The following ZFP64 variants were observed in gnomAD, a reference collection of about 807,000 sequenced individuals.
ZFP64 encodes the protein zinc finger protein 64.
In ZFP64, 14 loss-of-function variants were observed where a neutral mutation model predicts 51.6. That is an observed-to-expected ratio of 0.27 (90% CI 0.18 to 0.42). The LOEUF (loss-of-function observed/expected upper bound fraction) is 0.42. Among genes scored for constraint, ZFP64 ranks in the 10% least tolerant of loss-of-function variants. The pLI is 1.00. For missense variants in ZFP64, 754 were observed against 906.8 expected, an observed-to-expected ratio of 0.83 and a Z score of 2.16; for synonymous variants, 375 against 361.4, an observed-to-expected ratio of 1.04 and a Z score of -0.43.
intron 2 of ZFP64, among the ~76,000 whole-genome samples, chr20:52,178,114 G>A (rs1338005604): frequency 6.6e-6 from 1 of 152,036 alleles, no homozygotes; most frequent in Non-Finnish European, 1.5e-5. Flanking sequence ...CTCCCTGGCT[G>A]GTTCAGATTC....
downstream of ZFP64, among the ~76,000 whole-genome samples, chr20:52,148,074 G>A (rs2122935421): frequency 6.6e-6 from 1 of 152,206 alleles, no homozygotes; most frequent in East Asian, 1.9e-4. Flanking sequence ...TTTCTTTTTT[G>A]GTGGGGGTGG....
At chr20:52,126,650 T>C (rs1438466017) in intron 5 of ZFP64, among the ~76,000 whole-genome samples, 1 of 152,214 alleles carries the variant, frequency 6.6e-6, no homozygotes, top group Non-Finnish European at 1.5e-5. Context: ...GAAGTCTGAC[T>C]CTCCTTCTGG....
chr20:52,129,893 C>A lies in ZFP64; in HGVS notation c.763+30230G>T, dbSNP rs867135425. Among the ~76,000 whole-genome samples, 6 of 152,294 alleles carry A rather than the reference C, an allele frequency of 3.9e-5. 1 individual carries two copies. The Middle Eastern group carries it at 0.02, about 518-fold the overall frequency. ...TTCATCTTTGCTGAATGAGTGCAAT[C>A]GTCATTATTGTTTATTATTATAATA... On this transcript the variant is annotated intron_variant, in intron 5 of 8. Transcript: ENST00000361387.
intron 5 of ZFP64, among the ~76,000 whole-genome samples, chr20:52,134,964 G>A (rs1002056997): frequency 6.6e-6 from 1 of 152,110 alleles, no homozygotes; most frequent in African/African-American, 2.4e-5. Flanking sequence ...CTGGGCTCAA[G>A]CGATCCTCCC....
chr20:52,113,690 C>T (rs1306271357), intron 5 of ZFP64, among the ~76,000 whole-genome samples: 4 of 151,280 alleles, frequency 2.6e-5, no homozygotes, highest in Admixed American at 1.3e-4. Flanking sequence ...CCACCTGCCT[C>T]GGCCTCCCAA....
intron 5 of ZFP64, among the ~76,000 whole-genome samples, chr20:52,099,828 C>T (rs576794423): frequency 1.1e-4 from 16 of 152,178 alleles, no homozygotes; most frequent in Non-Finnish European, 1.9e-4. Context: ...GAAGGTTGAA[C>T]TAGGTGAAAT....
intron 5 of ZFP64, among the ~76,000 whole-genome samples, chr20:52,138,556 G>A (rs1193014013): frequency 6.6e-6 from 1 of 151,466 alleles, no homozygotes; most frequent in African/African-American, 2.4e-5. Flanking sequence ...TTATTACATA[G>A]AAGGAACAGG....
intron 5 of ZFP64, among the ~76,000 whole-genome samples, chr20:52,109,126 G>A (rs114050273): frequency 0.014 from 2,179 of 152,074 alleles, 43 homozygotes; most frequent in African/African-American, 0.049. Flanking sequence ...TGGATTTCAA[G>A]CCCAGGGAAG....
rs1312468665 is a variant in ZFP64, at chr20:52,153,071, T to C, written c.1121A>G (p.Asn374Ser). The C allele has an allele frequency of 6.2e-7, 1 of 1,614,190 alleles. No homozygotes were observed. The part of the protein sequence containing the change: ...IHCTDRPFKC[N>S]YCSFDTKQPS... ...CTGTTTGGTGTCGAAGCTGCAGTAG[T>C]TGCACTTGAAAGGGCGGTCGGTGCA... Residue 374 changes from asparagine to serine, a missense_variant, in exon 6 of 6, where the codon AAC becomes AGC. Transcript: ENST00000216923. The surrounding 1 kb of genome is among the most constrained non-coding windows in gnomAD (Gnocchi z 5.1).
chr20:52,144,361 C>T (rs1482807182), intron 5 of ZFP64, among the ~76,000 whole-genome samples: 1 of 141,688 alleles, frequency 7.1e-6, no homozygotes, highest in Non-Finnish European at 1.6e-5. Flanking sequence ...GGGCAGATCA[C>T]GAGGTCAAGA....
intron 1 of ZFP64, among the ~76,000 whole-genome samples, chr20:52,187,865 C>A (rs1984088274): frequency 1.3e-5 from 2 of 152,142 alleles, no homozygotes. Flanking sequence ...GCAGCCACCT[C>A]CTATCCCAAC....
At chr20:52,110,823 C>A in intron 5 of ZFP64, 1 of 1,599,988 alleles carries the variant, frequency 6.3e-7, no homozygotes, top group South Asian at 1.1e-5. Context: ...TCTCACTCAG[C>A]TCCATGTTCA....
In ZFP64 at chr20:52,160,176, G is replaced by T. The variant is rs747077792; in HGVS notation, c.710C>A (p.Pro237His). Residue 237 changes from proline to histidine, a missense_variant, in exon 5 of 6, where the codon CCC (proline) becomes CAC (histidine). Around this residue, in one of 3 missense-constraint regions of ZFP64, gnomAD observed 231 missense variants for 336.7 expected, o/e 0.69. Coordinates refer to ENST00000216923, the MANE Select transcript of ZFP64 (RefSeq NM_018197.3). This position sits in a 1 kb window ranked among gnomAD's most constrained non-coding sequence, Gnocchi z 4.2. ...CTGGCTGGAGTTGCGGCTGGCGTAG[G>T]GGCAGATCTGGCATTTGAAGGGCCG... is the stretch of plus-strand genomic sequence containing the variant. ...DERPFKCQICPYASRNSSQLT... is the reference protein window; with the variant it reads ...DERPFKCQICHYASRNSSQLT... The T allele has an allele frequency of 6.2e-7, 1 of 1,614,036 alleles. No individual in the cohort carries two copies. Among genetic ancestry groups the T allele is most frequent in the Admixed American group, 1.7e-5 (1 of 59,996 alleles).
At position 52,151,296 on chromosome 20, in the gene ZFP64, C is replaced by A; in HGVS notation, c.*850G>T. 2.0e-6 allele frequency: 2 copies of A among 985,174 alleles called. No homozygotes were observed. Among genetic ancestry groups the A allele is most frequent in the Non-Finnish European group, 2.4e-6 (2 of 829,724 alleles). The allele number at this position is 985,174 out of a possible 1,614,324, so 61.0% of individuals were successfully genotyped here. On this transcript the variant is annotated 3_prime_UTR_variant, in exon 6 of 6. Coordinates refer to ENST00000216923, the MANE Select transcript of ZFP64 (RefSeq NM_018197.3). ...CATTCAGTATATTTTAATCAGATAT[C>A]AATTTATTATGGAACCATTCATTTT...
In ZFP64 at chr20:52,144,578, C is replaced by CAAAAAAAAAAAAA. The variant is rs1156545584; in HGVS notation, c.763+15532_763+15544dup. Among the ~76,000 whole-genome samples the CAAAAAAAAAAAAA allele has an allele frequency of 1.7e-4, 4 of 23,326 alleles. 1 individual carries two copies. The highest frequency in any genetic ancestry group is 2.9e-4 in the Non-Finnish European group (4 of 13,874). The allele number at this position is 23,326 out of a possible 152,430, so 15.3% of individuals were successfully genotyped here. On this transcript the variant is annotated intron_variant, in intron 5 of 8. Transcript: ENST00000361387. ...CTGGTGACAGAGCGAGACTCCGTCT[C>CAAAAAAAAAAAAA]AAAAAAAAAAAAAAAAAAAAAAAAT... is the stretch of plus-strand genomic sequence containing the variant.
exon 9 of ZFP64, chr20:52,084,616 T>C (rs775644020): frequency 6.2e-7 from 1 of 1,613,940 alleles, no homozygotes; most frequent in Non-Finnish European, 8.5e-7. Context: ...ACCAGGGTGC[T>C]GAGCTGTCCC....
At chr20:52,173,415 CGTCT>C (rs2123071430) in intron 2 of ZFP64, among the ~76,000 whole-genome samples, 1 of 152,136 alleles carries the variant, frequency 6.6e-6, no homozygotes, top group South Asian at 2.1e-4. Context: ...AGGGAGACGC[CGTCT>C]CCACAAAACC....
At chr20:52,106,480 C>T (rs560201910) in intron 5 of ZFP64, among the ~76,000 whole-genome samples, 1 of 152,160 alleles carries the variant, frequency 6.6e-6, no homozygotes, top group East Asian at 1.9e-4. Flanking sequence ...AACAGCGCCG[C>T]GTATGAGTTT....
intron 8 of ZFP64, among the ~76,000 whole-genome samples, chr20:52,087,317 G>A (rs1025556807): frequency 6.6e-6 from 1 of 152,068 alleles, no homozygotes; most frequent in South Asian, 2.1e-4. Flanking sequence ...TCAGAAACCA[G>A]ACTTCAGGAC....
Sources: gnomAD v4.1 joint callset for allele counts (sites outside exome capture counted in the v4.1 genomes callset) on GRCh38, gnomAD v4.1.1 for gene constraint, gnomAD v4.1.1 regional missense constraint, Gnocchi (gnomAD v3.1) non-coding constraint, MANE v1.5 for transcripts, NCBI Gene and HGNC (gene_info 2026-07-23, HGNC 2026-07-21) for gene names.